Variants in ZNF343 observed in about 807,000 individuals in gnomAD.
The protein encoded by ZNF343 is zinc finger protein 343.
ZNF343 carries 11 observed loss-of-function variants against 13.8 expected under a neutral mutation model. That is an observed-to-expected ratio of 0.80 (90% CI 0.50 to 1.32). ZNF343 has a LOEUF of 1.32. Ranked by LOEUF, ZNF343 falls within the 40% of genes most tolerant of loss-of-function variation. The probability of loss-of-function intolerance (pLI) is 0.00; values close to 1 mark genes in which losing one functional copy is unlikely to be tolerated. For missense variants in ZNF343, 658 were observed against 714.2 expected (o/e 0.92, Z 0.90); for synonymous variants, 248 against 260.0 (o/e 0.95, Z 0.44).
At chr20:2,497,505 A>C (rs555029363) in intron 2 of ZNF343, among the ~76,000 whole-genome samples, 91 of 152,342 alleles carry the variant, frequency 6.0e-4, no homozygotes, top group Non-Finnish European at 1.2e-3. Context: ...CGACCACAGG[A>C]ATTGCTGCCA....
At chr20:2,487,647 G>A (rs1229689114) in intron 5 of ZNF343, among the ~76,000 whole-genome samples, 2 of 152,226 alleles carry the variant, frequency 1.3e-5, no homozygotes, top group Non-Finnish European at 2.9e-5. Context: ...CTGTACAAGT[G>A]TAATATCTTT....
chr20:2,485,724 T>A (rs181691870), intron 5 of ZNF343, among the ~76,000 whole-genome samples: 1 of 152,330 alleles, frequency 6.6e-6, no homozygotes, highest in African/African-American at 2.4e-5. Flanking sequence ...CCTTTTGTGG[T>A]CTTTGTTTTA....
chr20:2,509,910 T>C (rs941226976), upstream of ZNF343, among the ~76,000 whole-genome samples: 2 of 152,186 alleles, frequency 1.3e-5, no homozygotes, highest in African/African-American at 2.4e-5. Context: ...TCCTTTGATA[T>C]GTACCTGATA....
intron 1 of ZNF343, among the ~76,000 whole-genome samples, chr20:2,522,555 T>G (rs1350745108): frequency 6.6e-6 from 1 of 152,256 alleles, no homozygotes; most frequent in Non-Finnish European, 1.5e-5. Context: ...ACGTACTGTG[T>G]AGTTCACAAT....
In ZNF343 at chr20:2,483,711, C is replaced by A. The variant is rs745352702; in HGVS notation, c.1250G>T (p.Gly417Val). 28 of 1,613,972 alleles carry A rather than the reference C, an allele frequency of 1.7e-5. No homozygotes were observed. The South Asian group carries it at 2.5e-4, about 15-fold the overall frequency. The part of the protein sequence containing the change: ...KPYVCRECGR[G>V]FSQNSDLIKH... ...GATGAGATCTGAGTTCTGGCTAAAG[C>A]CTCGCCCACACTCCCTGCAAACATA... The change falls in exon 6 of 6, where the codon GGC becomes GTC. Residue 417 changes from glycine to valine, a missense_variant. Coordinates refer to ENST00000278772, the MANE Select transcript of ZNF343 (RefSeq NM_024325.6).
rs79464431 is a variant in ZNF343, at chr20:2,484,958, T to G, written c.305-302A>C. On this transcript the variant is annotated intron_variant, in intron 5 of 5. Transcript: ENST00000278772. ...CATAGACATTCACATTGGTATATACTGTCCACAGCTCTTTGTTCTGCTTGG... is the reference window on the plus strand; with the variant it reads ...CATAGACATTCACATTGGTATATACGGTCCACAGCTCTTTGTTCTGCTTGG... Among the ~76,000 whole-genome samples, 342 of 152,266 alleles carry G rather than the reference T, an allele frequency of 2.2e-3. 1 individual carries two copies. The highest frequency in any genetic ancestry group is 7.9e-3 in the African/African-American group (328 of 41,556).
rs539376053 is a variant in ZNF343 at position 2,516,143 on chromosome 20, G to A, written c.-347+8312C>T. On this transcript the variant is annotated intron_variant, in intron 1 of 6. Transcript: ENST00000358413. ...TGGGGTTTGGGAGAGAGCAGGCTGA[G>A]TGTTTGGTTCAGGTCGGAATCAAGG... 3.3e-5 allele frequency among the ~76,000 whole-genome samples: 5 copies of A among 152,178 alleles called. No individual in the cohort carries two copies. The East Asian group carries it at 9.7e-4, about 29-fold the overall frequency.
upstream of ZNF343, among the ~76,000 whole-genome samples, chr20:2,513,178 A>G (rs979891711): frequency 2.6e-5 from 4 of 152,204 alleles, no homozygotes; most frequent in African/African-American, 9.7e-5. Flanking sequence ...AAGGCAACCC[A>G]TAAGAATGAG....
In ZNF343 at chr20:2,484,030, T is replaced by C. The variant is rs1568472150; in HGVS notation, c.931A>G (p.Asn311Asp). 6.2e-7 allele frequency: 1 copy of C among 1,613,914 alleles called. No homozygotes were observed. The highest frequency in any genetic ancestry group is 8.5e-7 in the Non-Finnish European group (1 of 1,179,952). The change falls in exon 6 of 6, where the codon AAC (asparagine) becomes GAC (aspartate). Residue 311 changes from asparagine (N) to aspartate (D), a missense_variant. Transcript: ENST00000278772. ...TGTGTTCTCTGGTGTCTGCTGAGGT[T>C]GGACTTCTGGCTAAAACCTCGCCCG... ...ECGRGFSQKS[N>D]LSRHQRTHSE...
chr20:2,517,622 C>G (rs2085765093), intron 1 of ZNF343, among the ~76,000 whole-genome samples: 1 of 151,732 alleles, frequency 6.6e-6, no homozygotes, highest in Admixed American at 6.6e-5. Flanking sequence ...CCACCTCAGC[C>G]TTCCAAGTAA....
At chr20:2,519,671 A>G (rs1434133894) in intron 1 of ZNF343, among the ~76,000 whole-genome samples, 1 of 152,202 alleles carries the variant, frequency 6.6e-6, no homozygotes, top group African/African-American at 2.4e-5. Flanking sequence ...AGGAAAAATG[A>G]TAGATTCTGA....
chr20:2,522,592 T>TA (rs753219579), intron 1 of ZNF343, among the ~76,000 whole-genome samples: 6 of 152,250 alleles, frequency 3.9e-5, no homozygotes, highest in Non-Finnish European at 7.3e-5. Flanking sequence ...GTTTCAATTT[T>TA]AACATAAGCT....
upstream of ZNF343, among the ~76,000 whole-genome samples, chr20:2,511,344 A>G (rs2085738453): frequency 6.6e-6 from 1 of 152,106 alleles, no homozygotes; most frequent in Admixed American, 6.5e-5. Flanking sequence ...TCCTAGGCTC[A>G]GGTGATTCTC....
At chr20:2,486,852 T>C (rs2085289281) in intron 5 of ZNF343, 1 of 152,082 alleles carries the variant, frequency 6.6e-6, no homozygotes, top group African/African-American at 2.4e-5. Flanking sequence ...ATATAGTCCA[T>C]ATAGTTCATG....
intron 2 of ZNF343, among the ~76,000 whole-genome samples, chr20:2,494,408 A>G (rs932138777): frequency 7.9e-5 from 12 of 152,086 alleles, no homozygotes; most frequent in African/African-American, 2.4e-4. Flanking sequence ...CCTGTAGACC[A>G]ACTGGGGCGT....
intron 5 of ZNF343, 55 bp downstream of exon 5, chr20:2,492,644 G>A: frequency 2.4e-5 from 38 of 1,578,288 alleles, no homozygotes; most frequent in Non-Finnish European, 3.1e-5. Flanking sequence ...TACATATTAG[G>A]TGATCAGTAA....
Position 2,484,005 on chromosome 20 carries a change from T to A in ZNF343, c.956A>T (p.His319Leu). Residue 319 changes from histidine (H) to leucine (L), a missense_variant, in exon 6 of 6, where the codon CAT (histidine) becomes CTT (leucine). Physicochemically the swap from His to Leu is moderately conservative, Grantham distance 99. Coordinates refer to ENST00000278772, the MANE Select transcript of ZNF343 (RefSeq NM_024325.6). The stretch of plus-strand genomic sequence containing the variant: ...GCACAAATAAGGCTTCTCTTCTGAA[T>A]GTGTTCTCTGGTGTCTGCTGAGGTT... The part of the protein sequence containing the change: ...KSNLSRHQRT[H>L]SEEKPYLCRE... The A allele has an allele frequency of 6.2e-7, 1 of 1,614,232 alleles. No homozygotes were observed. Among genetic ancestry groups the A allele is most frequent in the South Asian group, 1.1e-5 (1 of 91,090 alleles).
intron 1 of ZNF343, among the ~76,000 whole-genome samples, chr20:2,517,530 T>C (rs918268587): frequency 3.3e-5 from 5 of 151,724 alleles, no homozygotes; most frequent in African/African-American, 1.2e-4. Flanking sequence ...GGTCTTACTC[T>C]GCACTCTGTC....
rs1025800531 is a variant in ZNF343, at chr20:2,482,159, T to C, written c.*1002A>G. On this transcript the variant is annotated 3_prime_UTR_variant, in exon 6 of 6. Coordinates refer to ENST00000278772, the MANE Select transcript of ZNF343 (RefSeq NM_024325.6). ...TCCCTCCCCACCCATGTAAAGCTTG[T>C]CCCAAAAAAGCTGTTCTTTGATGAG... 2.6e-5 allele frequency: 4 copies of C among 152,316 alleles called. No homozygotes were observed. Among genetic ancestry groups the C allele is most frequent in the Middle Eastern group, 3.4e-3 (1 of 294 alleles). The allele number at this position is 152,316 out of a possible 1,614,324, so 9.4% of individuals were successfully genotyped here.
Sources: gnomAD v4.1 joint callset for allele counts (sites outside exome capture counted in the v4.1 genomes callset) on GRCh38, gnomAD v4.1.1 for gene constraint, MANE v1.5 for transcripts, NCBI Gene and HGNC (gene_info 2026-07-23, HGNC 2026-07-21) for gene names.